The following PCDHA1 variants were observed in gnomAD, a reference collection of about 807,000 sequenced individuals.
The protein encoded by PCDHA1 is protocadherin alpha 1, also known as protocadherin alpha-1.
Under a neutral mutation model 61.3 loss-of-function variants are expected in PCDHA1, and 42 were observed. The ratio of observed to expected loss-of-function variants is 0.69; its 90% CI spans 0.54 to 0.89. The LOEUF (loss-of-function observed/expected upper bound fraction) is 0.89. PCDHA1 is among the 40% of genes least tolerant of loss of function. The pLI is 0.00. For missense variants in PCDHA1, 1,256 were observed against 1,235.3 expected (o/e 1.02, Z -0.25); for synonymous variants, 610 against 553.8 (o/e 1.10, Z -1.43).
At chr5:140,987,880 T>A (rs2097271532) in intron 3 of PCDHA1, among the ~76,000 whole-genome samples, 1 of 152,112 alleles carries the variant, frequency 6.6e-6, no homozygotes, top group Non-Finnish European at 1.5e-5. Context: ...AAATGGACAG[T>A]TTATGTGCCC....
intron 1 of PCDHA1, chr5:140,928,776 T>C (rs2085518837): frequency 6.2e-7 from 1 of 1,614,044 alleles, no homozygotes; most frequent in East Asian, 2.2e-5. Flanking sequence ...TTCCCACTGA[T>C]GCAGTTAAGC....
Position 140,908,881 on chromosome 5 carries a change from A to G in PCDHA1, c.2395-70068A>G, listed in dbSNP as rs77004912. Among the ~76,000 whole-genome samples, 1,225 of 152,366 alleles carry G rather than the reference A, an allele frequency of 8.0e-3. 6 individuals carry two copies. The highest frequency in any genetic ancestry group is 0.019 in the African/African-American group (790 of 41,588). Reference sequence around the variant, plus strand: ...AGGAATGTGTTGCCTCCAAAATCCAATAGTCCCAAATAAGCCTCTTTCGTG... The same window carrying G: ...AGGAATGTGTTGCCTCCAAAATCCAGTAGTCCCAAATAAGCCTCTTTCGTG... On this transcript the variant is annotated intron_variant, in intron 1 of 3. Transcript: ENST00000504120.
intron 1 of PCDHA1, among the ~76,000 whole-genome samples, chr5:140,820,054 G>A (rs2150105641): frequency 1.3e-5 from 2 of 151,784 alleles, no homozygotes; most frequent in Non-Finnish European, 2.9e-5. Flanking sequence ...TTATATAATA[G>A]AAAGTGGCTA....
At chr5:140,807,746 G>A (rs782266398) in intron 1 of PCDHA1, 2 of 1,614,154 alleles carry the variant, frequency 1.2e-6, no homozygotes, top group Non-Finnish European at 1.7e-6. Flanking sequence ...ACCTGATGAC[G>A]AGCTGGTAAA....
intron 1 of PCDHA1, among the ~76,000 whole-genome samples, chr5:140,912,818 A>T (rs2076075875): frequency 6.6e-6 from 1 of 152,052 alleles, no homozygotes; most frequent in South Asian, 2.1e-4. Context: ...TCATAAAGGG[A>T]TTTTGAATTT....
At chr5:140,809,445 A>T in intron 1 of PCDHA1, 1 of 1,614,234 alleles carries the variant, frequency 6.2e-7, no homozygotes, top group Non-Finnish European at 8.5e-7. Context: ...TACTCGCAGC[A>T]GAGGAGGCCG....
chr5:140,869,476 G>T (rs530490517), intron 1 of PCDHA1: 1 of 1,614,194 alleles, frequency 6.2e-7, no homozygotes, highest in African/African-American at 1.3e-5. Flanking sequence ...GGAGGTGAAG[G>T]ACATTAACGA....
At chr5:140,953,408 TG>T (rs782455726) in intron 1 of PCDHA1, among the ~76,000 whole-genome samples, 5 of 152,168 alleles carry the variant, frequency 3.3e-5, no homozygotes, top group Non-Finnish European at 5.9e-5. Context: ...CTGTTGCTCC[TG>T]GCTCCTCCCC....
rs148820707 is a variant in PCDHA1, at chr5:140,954,545, G to A, written c.2395-24404G>A. ...AGTGATGTTGAGGTTTTTTTCATAT[G>A]TTTGTTGGCTGCATGACTGTCTTCT... On this transcript the variant is annotated intron_variant, in intron 1 of 3. Coordinates refer to ENST00000504120, the MANE Select transcript of PCDHA1 (RefSeq NM_018900.4). 4.6e-3 allele frequency among the ~76,000 whole-genome samples: 702 copies of A among 152,204 alleles called. 2 individuals are homozygous for A. The highest frequency in any genetic ancestry group is 0.016 in the African/African-American group (679 of 41,554).
chr5:140,882,660 C>G lies in PCDHA1; in HGVS notation c.2394+93976C>G, dbSNP rs147326638. Reference sequence around the variant, plus strand: ...GTGAGGGACATTAACGACAACCCGCCCATATTCCCTGAAAGCAAGAAACGA... The same window carrying G: ...GTGAGGGACATTAACGACAACCCGCGCATATTCCCTGAAAGCAAGAAACGA... On this transcript the variant is annotated intron_variant, in intron 1 of 3. Coordinates refer to ENST00000504120, the MANE Select transcript of PCDHA1 (RefSeq NM_018900.4). 14 of 1,614,090 alleles carry G rather than the reference C, an allele frequency of 8.7e-6. No individual in the cohort carries two copies. Among genetic ancestry groups the G allele is most frequent in the African/African-American group, 1.3e-5 (1 of 74,928 alleles).
chr5:140,794,153 G>A (rs1761835727), intron 1 of PCDHA1, among the ~76,000 whole-genome samples: 1 of 152,208 alleles, frequency 6.6e-6, no homozygotes, highest in Admixed American at 6.5e-5. Context: ...ACAAAACGTG[G>A]TGTATACATA....
At chr5:140,863,248 G>A (rs782700291) in intron 1 of PCDHA1, 2 of 1,396,062 alleles carry the variant, frequency 1.4e-6, no homozygotes, top group Non-Finnish European at 9.8e-7. Flanking sequence ...TTTGGCGGGC[G>A]TCGAGGTCCG....
intron 1 of PCDHA1, chr5:140,802,754 G>A (rs571219787): frequency 1.5e-5 from 24 of 1,612,526 alleles, no homozygotes; most frequent in African/African-American, 4.0e-5. Flanking sequence ...AGGTGTACGC[G>A]CTGCAGCCGC....
intron 1 of PCDHA1, chr5:140,822,777 A>C (rs1767430616): frequency 1.2e-6 from 2 of 1,614,096 alleles, no homozygotes; most frequent in Non-Finnish European, 1.7e-6. Flanking sequence ...GACACTGTAA[A>C]GTAGTAGTGA....
chr5:140,801,826 T>C (rs1378951068), intron 1 of PCDHA1: 1 of 1,614,154 alleles, frequency 6.2e-7, no homozygotes, highest in East Asian at 2.2e-5. Flanking sequence ...AAGCATTATT[T>C]ACTAATAACA....
intron 2 of PCDHA1, among the ~76,000 whole-genome samples, chr5:140,980,141 T>C (rs1241352797): frequency 1.3e-5 from 2 of 152,164 alleles, no homozygotes; most frequent in Non-Finnish European, 2.9e-5. Context: ...CCAGAAACAT[T>C]CATGCATATA....
At chr5:140,922,858 G>C (rs1363202579) in intron 1 of PCDHA1, among the ~76,000 whole-genome samples, 1 of 152,124 alleles carries the variant, frequency 6.6e-6, no homozygotes, top group Non-Finnish European at 1.5e-5. Flanking sequence ...CAAATACATA[G>C]ACAAGGGGAA....
rs1023630665 is a variant in PCDHA1, at chr5:140,851,206, T to C, written c.2394+62522T>C. 1.3e-5 allele frequency: 15 copies of C among 1,183,670 alleles called. No homozygotes were observed. The African/African-American group carries it at 2.4e-4, about 19-fold the overall frequency. 73.3% of individuals were successfully genotyped at this position (1,183,670 alleles called of 1,614,324 possible). ...ACCAATTTAGTTGTTAGTCATTCAT[T>C]AAACATTAACATCACTATCATTTAT... On this transcript the variant is annotated intron_variant, in intron 1 of 3. Coordinates refer to ENST00000504120, the MANE Select transcript of PCDHA1 (RefSeq NM_018900.4).
chr5:141,000,615 A>G (rs2097951954), intron 3 of PCDHA1, among the ~76,000 whole-genome samples: 1 of 150,870 alleles, frequency 6.6e-6, no homozygotes, highest in South Asian at 2.1e-4. Context: ...TTTAGTAGAG[A>G]CAGGGTTTCA....
Sources: gnomAD v4.1 joint callset for allele counts (sites outside exome capture counted in the v4.1 genomes callset) on GRCh38, gnomAD v4.1.1 for gene constraint, MANE v1.5 for transcripts, NCBI Gene and HGNC (gene_info 2026-07-23, HGNC 2026-07-21) for gene names.